The following GLYAT variants were observed in gnomAD, a reference collection of about 807,000 sequenced individuals.
GLYAT encodes glycine-N-acyltransferase, also known as glycine N-acyltransferase.
Under a neutral mutation model 22.8 loss-of-function variants are expected in GLYAT, and 25 were observed. The observed-to-expected ratio is 1.09, with a 90% CI of 0.80 to 1.53. The LOEUF is 1.53. GLYAT is among the 40% of genes most tolerant of loss of function. The pLI is 0.00. For missense variants in GLYAT, 411 were observed against 353.9 expected (o/e 1.16, Z -1.29); for synonymous variants, 140 against 122.7 (o/e 1.14, Z -0.93).
rs748901657 is a variant in GLYAT at position 58,716,258 on chromosome 11, G to A, written c.82-835C>T. 9.2e-5 allele frequency among the ~76,000 whole-genome samples: 14 copies of A among 152,072 alleles called. No individual in the cohort carries two copies. The South Asian group carries it at 1.0e-3, about 11-fold the overall frequency. On this transcript the variant is annotated intron_variant, in intron 2 of 5. Coordinates refer to ENST00000344743, the MANE Select transcript of GLYAT (RefSeq NM_201648.3). ...AGTAGTGGATGTCAGCATAGATCTC[G>A]TGACCATTGTGAACATGAAGTTTCA...
intron 3 of GLYAT, among the ~76,000 whole-genome samples, chr11:58,714,009 C>T (rs967231627): frequency 6.6e-6 from 1 of 151,972 alleles, no homozygotes; most frequent in Non-Finnish European, 1.5e-5. Flanking sequence ...ATACATATTG[C>T]TTCCCCTATG....
chr11:58,712,692 A>G, intron 4 of GLYAT, 68 bp downstream of exon 4: 1 of 1,361,376 alleles, frequency 7.3e-7, no homozygotes, highest in Non-Finnish European at 1.0e-6. Context: ...GGAAGGAGGT[A>G]TAAGTCATAT....
chr11:58,711,652 A>T (rs1036718005), intron 4 of GLYAT, among the ~76,000 whole-genome samples: 2 of 152,306 alleles, frequency 1.3e-5, no homozygotes, highest in South Asian at 4.2e-4. Flanking sequence ...AGGTAAATTT[A>T]AAAAACGGTA....
intron 1 of GLYAT, among the ~76,000 whole-genome samples, chr11:58,725,248 C>T (rs1474771311): frequency 6.6e-6 from 1 of 152,146 alleles, no homozygotes; most frequent in Admixed American, 6.6e-5. Context: ...ATACTAGGAT[C>T]TGTGGTACAT....
chr11:58,724,780 T>C (rs1856795384), intron 1 of GLYAT, among the ~76,000 whole-genome samples: 10 of 152,114 alleles, frequency 6.6e-5, no homozygotes, highest in Admixed American at 6.6e-4. Context: ...ACACATAATA[T>C]CTTTTGAATT....
intron 1 of GLYAT, among the ~76,000 whole-genome samples, chr11:58,726,030 A>T (rs1336964887): frequency 1.3e-5 from 2 of 152,080 alleles, no homozygotes; most frequent in African/African-American, 4.8e-5. Flanking sequence ...CCAACTCCTG[A>T]GGTCTTGTCA....
chr11:58,728,631 AG>A (rs1208587486), intron 1 of GLYAT: 2 of 152,080 alleles, frequency 1.3e-5, no homozygotes, highest in East Asian at 3.9e-4. Flanking sequence ...AAAACAGAAA[AG>A]GTGAGTCCTA....
chr11:58,722,482 T>C (rs1043471979), intron 2 of GLYAT, among the ~76,000 whole-genome samples: 3 of 151,998 alleles, frequency 2.0e-5, no homozygotes, highest in Non-Finnish European at 2.9e-5. Context: ...TGGGACATAT[T>C]GAAGAAGGGA....
chr11:58,714,807 T>A (rs138330594), intron 3 of GLYAT, among the ~76,000 whole-genome samples: 2 of 152,120 alleles, frequency 1.3e-5, no homozygotes, highest in Non-Finnish European at 1.5e-5. Flanking sequence ...GAACTATGAG[T>A]CAATTAAACG....
Position 58,721,802 on chromosome 11 carries a change from C to CT in GLYAT, c.81+2613dup, listed in dbSNP as rs370876037. On this transcript the variant is annotated intron_variant, in intron 2 of 5. Coordinates refer to ENST00000344743, the MANE Select transcript of GLYAT (RefSeq NM_201648.3). ...CCCTTTAGTAGTTAAAATTCAAAAT[C>CT]TTTTTTTTTTCTCTTTTGCTAGCCA... 3.0e-3 allele frequency among the ~76,000 whole-genome samples: 453 copies of CT among 149,306 alleles called. 4 individuals are homozygous for CT. The highest frequency in any genetic ancestry group is 0.01 in the African/African-American group (427 of 40,768).
At chr11:58,710,945 C>G (rs1379409295) in intron 4 of GLYAT, among the ~76,000 whole-genome samples, 184 bp from the exon 5 acceptor site, 1 of 152,124 alleles carries the variant, frequency 6.6e-6, no homozygotes, top group East Asian at 1.9e-4. Flanking sequence ...AAAAGACTTC[C>G]CTCCCCATCT....
chr11:58,713,286 A>C (rs1198256780), intron 3 of GLYAT, among the ~76,000 whole-genome samples: 1 of 152,168 alleles, frequency 6.6e-6, no homozygotes, highest in Non-Finnish European at 1.5e-5. Flanking sequence ...TAATGAGATA[A>C]AGATCAAATA....
chr11:58,727,586 G>T (rs900824465), intron 1 of GLYAT, among the ~76,000 whole-genome samples: 1 of 152,034 alleles, frequency 6.6e-6, no homozygotes, highest in African/African-American at 2.4e-5. Flanking sequence ...TCTGCTTAGT[G>T]CAGACCCGAA....
At chr11:58,722,107 G>T (rs1390748768) in intron 2 of GLYAT, among the ~76,000 whole-genome samples, 5 of 151,928 alleles carry the variant, frequency 3.3e-5, no homozygotes, top group African/African-American at 4.8e-5. Flanking sequence ...ACCAAATTTG[G>T]GGAGATCAGG....
intron 4 of GLYAT, among the ~76,000 whole-genome samples, 169 bp from the exon 5 acceptor site, chr11:58,710,930 C>T (rs1445151447): frequency 1.3e-5 from 2 of 152,140 alleles, no homozygotes; most frequent in African/African-American, 4.8e-5. Context: ...GAAGATTCCT[C>T]TTCAAAAAGA....
Position 58,710,133 on chromosome 11 carries a change from A to G in GLYAT, c.524T>C (p.Val175Ala), listed in dbSNP as rs140835375. The G allele has an allele frequency of 1.9e-6, 3 of 1,613,790 alleles. No individual in the cohort carries two copies. The highest frequency in any genetic ancestry group is 2.5e-6 in the Non-Finnish European group (3 of 1,179,738). The stretch of plus-strand genomic sequence containing the variant: ...TTTATTCACCAAGTGAGCATGGGTA[A>G]CATCCATGGATGAGAGTTTAAACAT... ...QEMFKLSSMD[V>A]THAHLVNKFW... Residue 175 changes from valine (V) to alanine (A), a missense_variant, in exon 6 of 6, where the codon GTT becomes GCT. Physicochemically the swap from Val to Ala is moderately conservative, Grantham distance 64. Coordinates refer to ENST00000344743, the MANE Select transcript of GLYAT (RefSeq NM_201648.3).
At position 58,709,627 on chromosome 11, in the gene GLYAT, T is replaced by C. The variant is rs566657899; in HGVS notation, c.*139A>G. 194 of 863,076 alleles carry C rather than the reference T, an allele frequency of 2.2e-4. No homozygotes were observed. Among genetic ancestry groups the C allele is most frequent in the Middle Eastern group, 1.7e-3 (5 of 2,882 alleles). The allele number at this position is 863,076 out of a possible 1,614,324, so 53.5% of individuals were successfully genotyped here. A position where few individuals can be genotyped will look rare whatever the true frequency, so the allele number is the denominator to read the frequency against. On this transcript the variant is annotated 3_prime_UTR_variant, in exon 6 of 6. Coordinates refer to ENST00000344743, the MANE Select transcript of GLYAT (RefSeq NM_201648.3). ...GGGACCATGGCGATGCTGTTGAACA[T>C]CACACTGCTTCCCCAGAGTCCAAAC...
At chr11:58,720,263 A>G (rs750806706) in intron 2 of GLYAT, among the ~76,000 whole-genome samples, 2 of 152,070 alleles carry the variant, frequency 1.3e-5, no homozygotes, top group African/African-American at 2.4e-5. Flanking sequence ...AGATACCCAA[A>G]TAATGAAATG....
At chr11:58,730,368 GA>G (rs1443981267) in intron 1 of GLYAT, among the ~76,000 whole-genome samples, 5 of 152,162 alleles carry the variant, frequency 3.3e-5, no homozygotes, top group African/African-American at 1.2e-4. Context: ...AGCTACTCAA[GA>G]GGCTAAGGTG....
Sources: gnomAD v4.1 joint callset for allele counts (sites outside exome capture counted in the v4.1 genomes callset) on GRCh38, gnomAD v4.1.1 for gene constraint, MANE v1.5 for transcripts, NCBI Gene and HGNC (gene_info 2026-07-23, HGNC 2026-07-21) for gene names.